SLC24A2: variants seen among roughly 807,000 people sequenced by gnomAD.
The protein encoded by SLC24A2 is solute carrier family 24 member 2.
SLC24A2 carries 36 observed loss-of-function variants against 62.0 expected under a neutral mutation model. The ratio of observed to expected loss-of-function variants is 0.58; its 90% CI spans 0.44 to 0.77. The LOEUF (loss-of-function observed/expected upper bound fraction) is 0.77, where lower values mean the gene tolerates loss of function less well. Among genes scored for constraint, SLC24A2 ranks in the 30% least tolerant of loss-of-function variants. SLC24A2 has a pLI of 0.00. For missense variants in SLC24A2, 846 were observed against 817.9 expected (o/e 1.03, Z -0.42); for synonymous variants, 358 against 294.0 (o/e 1.22, Z -2.23).
the SLC24A2 span, among the ~76,000 whole-genome samples, chr9:20,292,348 C>T: frequency 9.9e-5 from 15 of 152,014 alleles, no homozygotes; most frequent in African/African-American, 3.4e-4. Flanking sequence ...AAGATTTTAT[C>T]TGTTTAGAAA....
At chr9:19,596,537 A>AAG (rs1169829651) in intron 5 of SLC24A2, among the ~76,000 whole-genome samples, 3 of 152,248 alleles carry the variant, frequency 2.0e-5, no homozygotes, top group Non-Finnish European at 4.4e-5. Context: ...TTCCTGGGAC[A>AAG]AGGCTATGTT....
chr9:20,293,674 T>C, the SLC24A2 span, among the ~76,000 whole-genome samples: 1 of 152,304 alleles, frequency 6.6e-6, no homozygotes, highest in African/African-American at 2.4e-5. Flanking sequence ...ACAAGTATTA[T>C]CTTTGCTCAT....
chr9:20,125,437 A>G, the SLC24A2 span, among the ~76,000 whole-genome samples: 2 of 152,220 alleles, frequency 1.3e-5, no homozygotes, highest in African/African-American at 2.4e-5. Flanking sequence ...TTAAACCTTT[A>G]AAAGTCTTAT....
At chr9:19,782,329 G>C (rs966297421) in intron 2 of SLC24A2, among the ~76,000 whole-genome samples, 4 of 152,152 alleles carry the variant, frequency 2.6e-5, no homozygotes, top group Non-Finnish European at 4.4e-5. Flanking sequence ...TTTAAGAAGA[G>C]AGCCCCAAAC....
At chr9:19,615,010 T>TGGGG (rs79642421) in intron 4 of SLC24A2, among the ~76,000 whole-genome samples, 8,231 of 152,184 alleles carry the variant, frequency 0.054, 251 homozygotes, top group Middle Eastern at 0.12. Context: ...CACTAAGTCT[T>TGGGG]GGGGTGCTTT....
chr9:20,275,540 G>C, the SLC24A2 span, among the ~76,000 whole-genome samples: 1 of 152,156 alleles, frequency 6.6e-6, no homozygotes, highest in Non-Finnish European at 1.5e-5. Flanking sequence ...CCTCTTCTTA[G>C]ACACCCACTC....
intron 7 of SLC24A2, among the ~76,000 whole-genome samples, chr9:19,554,710 C>T (rs568704830): frequency 7.9e-5 from 12 of 152,174 alleles, no homozygotes; most frequent in Non-Finnish European, 1.8e-4. Flanking sequence ...ACCCTTCCTC[C>T]TTCCTTCCTC....
chr9:20,103,416 G>A, the SLC24A2 span, among the ~76,000 whole-genome samples: 2 of 152,198 alleles, frequency 1.3e-5, no homozygotes, highest in Non-Finnish European at 2.9e-5. Context: ...CCTGACCCCT[G>A]ACCCCCGAGC....
At chr9:19,872,440 T>C in the SLC24A2 span, among the ~76,000 whole-genome samples, 1 of 152,240 alleles carries the variant, frequency 6.6e-6, no homozygotes, top group Non-Finnish European at 1.5e-5. Flanking sequence ...GAGGTTGTTG[T>C]ACCAGTGTAT....
chr9:19,937,973 AAAG>A, the SLC24A2 span, among the ~76,000 whole-genome samples: 21 of 152,322 alleles, frequency 1.4e-4, no homozygotes, highest in East Asian at 3.9e-4. Flanking sequence ...AAATACATGA[AAAG>A]AAGAAAACAG....
chr9:19,645,936 T>C (rs1481219755), intron 2 of SLC24A2, among the ~76,000 whole-genome samples: 1 of 152,232 alleles, frequency 6.6e-6, no homozygotes, highest in Non-Finnish European at 1.5e-5. Context: ...TCAATCAGTG[T>C]CTTGTTTCTG....
the SLC24A2 span, among the ~76,000 whole-genome samples, chr9:20,278,890 G>C: frequency 1.3e-5 from 2 of 152,226 alleles, no homozygotes; most frequent in Non-Finnish European, 2.9e-5. Flanking sequence ...ACATACCCTA[G>C]ACTGGGTTAT....
chr9:19,990,802 C>T, the SLC24A2 span, among the ~76,000 whole-genome samples: 17 of 148,960 alleles, frequency 1.1e-4, no homozygotes, highest in Non-Finnish European at 1.8e-4. Flanking sequence ...AGTGGATCCA[C>T]GTTGAATATG....
At chr9:19,645,129 A>G (rs1289009336) in intron 2 of SLC24A2, among the ~76,000 whole-genome samples, 1 of 149,846 alleles carries the variant, frequency 6.7e-6, no homozygotes, top group African/African-American at 2.6e-5. Flanking sequence ...CCACACTGCA[A>G]AGGTATGGAC....
intron 4 of SLC24A2, among the ~76,000 whole-genome samples, chr9:19,613,296 T>C (rs1484290820): frequency 6.6e-6 from 1 of 152,224 alleles, no homozygotes; most frequent in African/African-American, 2.4e-5. Context: ...GGAGAACATA[T>C]ATGCCTATAT....
At chr9:19,909,089 C>G in the SLC24A2 span, among the ~76,000 whole-genome samples, 1 of 152,126 alleles carries the variant, frequency 6.6e-6, no homozygotes, top group Non-Finnish European at 1.5e-5. Context: ...ACCCAAATGT[C>G]CAACAACGAT....
the SLC24A2 span, among the ~76,000 whole-genome samples, chr9:20,089,973 G>A: frequency 3.9e-5 from 6 of 151,968 alleles, no homozygotes; most frequent in African/African-American, 1.5e-4. Flanking sequence ...TCTAAGACAG[G>A]GCCCAAGGAG....
At chr9:20,069,328 C>A in the SLC24A2 span, among the ~76,000 whole-genome samples, 1 of 152,182 alleles carries the variant, frequency 6.6e-6, no homozygotes, top group Non-Finnish European at 1.5e-5. Flanking sequence ...CCATAAAGTA[C>A]TGCTTTAGTA....
At position 19,578,908 on chromosome 9, in the gene SLC24A2, A is replaced by G. The variant is rs187733820; in HGVS notation, c.1130-1886T>C. 7.2e-5 allele frequency among the ~76,000 whole-genome samples: 11 copies of G among 152,354 alleles called. No homozygotes were observed. The East Asian group carries it at 2.1e-3, about 29-fold the overall frequency. The stretch of plus-strand genomic sequence containing the variant: ...CAAAGGCAAAGGCAATCTCTAGGCC[A>G]TAAGTACCTTAGTCTAGGCAATGAA... On this transcript the variant is annotated intron_variant, in intron 5 of 10. Transcript: ENST00000341998.
Sources: gnomAD v4.1 joint callset for allele counts (sites outside exome capture counted in the v4.1 genomes callset) on GRCh38, gnomAD v4.1.1 for gene constraint, MANE v1.5 for transcripts, NCBI Gene and HGNC (gene_info 2026-07-23, HGNC 2026-07-21) for gene names.